CPAMD8: variants seen among roughly 807,000 people sequenced by gnomAD.
The protein encoded by CPAMD8 is C3 and PZP-like alpha-2-macroglobulin domain-containing protein 8.
CPAMD8 carries 146 observed loss-of-function variants against 224.7 expected under a neutral mutation model. The ratio of observed to expected loss-of-function variants is 0.65; its 90% CI spans 0.57 to 0.75. The LOEUF (loss-of-function observed/expected upper bound fraction) is 0.75. CPAMD8 is among the 30% of genes least tolerant of loss of function. CPAMD8 has a pLI of 0.00. For synonymous variants in CPAMD8, 966 were observed against 1,044.6 expected (o/e 0.92, Z 1.45); for missense variants, 2,301 against 2,537.5 (o/e 0.91, Z 2.00).
rs2052092839 is a variant in CPAMD8, at chr19:16,897,931, T to C, written c.4912A>G (p.Thr1638Ala). 2 of 1,610,784 alleles carry C rather than the reference T, an allele frequency of 1.2e-6. No homozygotes were observed. Among genetic ancestry groups the C allele is most frequent in the African/African-American group, 1.3e-5 (1 of 74,838 alleles). Reference protein sequence around the residue: ...RALRECVVGRTSALPVSVYDY... With the variant: ...RALRECVVGRASALPVSVYDY... ...TACACGGAGACTGGCAGCGCCGACG[T>C]CCTGCCCACCACGCACTCCCGGAGA... Residue 1638 changes from threonine to alanine, a missense_variant, in exon 38 of 42, where the codon ACG (threonine) becomes GCG (alanine). Physicochemically the swap from Thr to Ala is moderately conservative, Grantham distance 58. This residue lies in a region of CPAMD8 where 1,709 missense variants were observed against 1,753.2 expected (regional missense o/e 0.97). Transcript: ENST00000443236.
At position 16,904,454 on chromosome 19, in the gene CPAMD8, G is replaced by A. The variant is rs2052390338; in HGVS notation, c.4114+12C>T. 6.2e-7 allele frequency: 1 copy of A among 1,613,822 alleles called. No individual in the cohort carries two copies. Among genetic ancestry groups the A allele is most frequent in the Non-Finnish European group, 8.5e-7 (1 of 1,179,698 alleles). ...GCCAAGGCAGGCACCCGGGAGCTGG[G>A]GTGGCCAGTACCTGACTGAGAGACC... is the stretch of plus-strand genomic sequence containing the variant. On this transcript the variant is annotated intron_variant, in intron 31 of 41. Coordinates refer to ENST00000443236, the MANE Select transcript of CPAMD8 (RefSeq NM_015692.5).
At chr19:16,979,528 ATCTC>A (rs2122751613) in intron 14 of CPAMD8, among the ~76,000 whole-genome samples, 2 of 147,092 alleles carry the variant, frequency 1.4e-5, no homozygotes, top group East Asian at 4.2e-4. Context: ...CCATCCATCC[ATCTC>A]TCTGTCCATT....
At chr19:16,945,481 T>C in intron 22 of CPAMD8, 68 bp downstream of exon 22, 2 of 1,575,022 alleles carry the variant, frequency 1.3e-6, no homozygotes, top group Middle Eastern at 1.7e-4. Flanking sequence ...ACACTCCAGC[T>C]GGGCCCAGCT....
intron 9 of CPAMD8, among the ~76,000 whole-genome samples, 186 bp downstream of exon 9, chr19:17,002,080 T>G (rs2056343284): frequency 2.9e-5 from 4 of 139,552 alleles, no homozygotes; most frequent in African/African-American, 5.5e-5. Flanking sequence ...CTGGAGAGAG[T>G]CACAGGAAGG....
chr19:16,991,755 T>A (rs1275313091), intron 12 of CPAMD8, among the ~76,000 whole-genome samples: 4 of 151,652 alleles, frequency 2.6e-5, no homozygotes, highest in Admixed American at 2.6e-4. Flanking sequence ...CTCGGGAGGC[T>A]GAGGCAGGAT....
At chr19:16,951,185 T>C (rs993341175) in intron 20 of CPAMD8, among the ~76,000 whole-genome samples, 7 of 152,094 alleles carry the variant, frequency 4.6e-5, no homozygotes, top group Non-Finnish European at 1.0e-4. Context: ...GTGCCCAAGA[T>C]CAGCAGCTCT....
At chr19:16,977,942 T>A (rs2055341406) in intron 14 of CPAMD8, among the ~76,000 whole-genome samples, 1 of 152,144 alleles carries the variant, frequency 6.6e-6, no homozygotes, top group South Asian at 2.1e-4. Context: ...TCTGTCTTGC[T>A]GGGGCCTGGG....
Position 16,907,104 on chromosome 19 carries a change from G to C in CPAMD8, c.3875C>G (p.Ser1292Cys). The change falls in exon 30 of 42, where the codon TCC becomes TGC. Residue 1292 changes from serine to cysteine, a missense_variant. Ser to Cys is a moderately radical substitution (Grantham distance 112). Around this residue, in one of 4 missense-constraint regions of CPAMD8, gnomAD observed 1,709 missense variants for 1,753.2 expected, o/e 0.97. Coordinates refer to ENST00000443236, the MANE Select transcript of CPAMD8 (RefSeq NM_015692.5). ...TGTASEEERG[S>C]TDKARHFLES... ...CAGGAAGTGCCTCGCTTTGTCAGTG[G>C]AGCCTCTCTCCTCCTGCAGGGTGGG... 1 of 1,567,356 alleles carries C rather than the reference G, an allele frequency of 6.4e-7. No homozygotes were observed. The highest frequency in any genetic ancestry group is 1.4e-5 in the African/African-American group (1 of 74,014).
At chr19:16,984,157 G>C (rs1216291443) in intron 13 of CPAMD8, among the ~76,000 whole-genome samples, 2 of 151,928 alleles carry the variant, frequency 1.3e-5, no homozygotes, top group Non-Finnish European at 2.9e-5. Flanking sequence ...ACATGCAAAA[G>C]AGTGAAGTTG....
intron 25 of CPAMD8, among the ~76,000 whole-genome samples, chr19:16,925,672 G>T (rs2053333962): frequency 6.6e-6 from 1 of 152,048 alleles, no homozygotes; most frequent in Non-Finnish European, 1.5e-5. Flanking sequence ...GCTATACATT[G>T]GCCTCTAAGT....
At chr19:17,008,042 A>G (rs2056541444) in intron 7 of CPAMD8, among the ~76,000 whole-genome samples, 1 of 152,152 alleles carries the variant, frequency 6.6e-6, no homozygotes, top group African/African-American at 2.4e-5. Context: ...GGTGCCATGC[A>G]CCTGTAATCC....
chr19:16,938,122 T>G (rs910800649), intron 23 of CPAMD8, among the ~76,000 whole-genome samples: 1 of 152,184 alleles, frequency 6.6e-6, no homozygotes, highest in African/African-American at 2.4e-5. Context: ...GCAGTGCACA[T>G]TCCTGTGTAT....
At position 16,898,042 on chromosome 19, in the gene CPAMD8, G is replaced by C. The variant is rs2052100657; in HGVS notation, c.4849-48C>G. 6.9e-7 allele frequency: 1 copy of C among 1,441,232 alleles called. No homozygotes were observed. The highest frequency in any genetic ancestry group is 1.4e-5 in the African/African-American group (1 of 70,234). The allele number at this position is 1,441,232 out of a possible 1,614,324, so 89.3% of individuals were successfully genotyped here. A position where few individuals can be genotyped will look rare whatever the true frequency, so the allele number is the denominator to read the frequency against. On this transcript the variant is annotated intron_variant, in intron 37 of 41. Coordinates refer to ENST00000443236, the MANE Select transcript of CPAMD8 (RefSeq NM_015692.5). This position sits in a 1 kb window ranked among gnomAD's most constrained non-coding sequence, Gnocchi z 4.2. ...GGCTCGACCCGGGCCAGGAGGCCCGGGGCGCTGAGCTCAGGCCCAGAACTG... is the reference window on the plus strand; with the variant it reads ...GGCTCGACCCGGGCCAGGAGGCCCGCGGCGCTGAGCTCAGGCCCAGAACTG...
chr19:16,942,128 T>G (rs1250722553), intron 22 of CPAMD8, among the ~76,000 whole-genome samples: 2 of 152,106 alleles, frequency 1.3e-5, no homozygotes, highest in African/African-American at 2.4e-5. Flanking sequence ...CTGTACAGCC[T>G]ACAGAGCTGT....
At chr19:16,951,256 T>C (rs534535202) in intron 20 of CPAMD8, among the ~76,000 whole-genome samples, 3 of 152,268 alleles carry the variant, frequency 2.0e-5, no homozygotes, top group Non-Finnish European at 4.4e-5. Context: ...TCCTGGTACT[T>C]TGTGGGGAGC....
chr19:16,922,928 G>A (rs1369421876), intron 26 of CPAMD8, among the ~76,000 whole-genome samples: 1 of 152,228 alleles, frequency 6.6e-6, no homozygotes, highest in Non-Finnish European at 1.5e-5. Context: ...TACTGACATT[G>A]CCCCTTCGTG....
intron 41 of CPAMD8, chr19:16,895,169 G>C (rs1377051135): frequency 6.6e-6 from 1 of 152,572 alleles, no homozygotes; most frequent in Non-Finnish European, 1.5e-5. Context: ...CAGCGCTTTG[G>C]GAGGCCAACG....
rs768363463 is a variant in CPAMD8 at position 16,947,099 on chromosome 19, G to A, written c.2637C>T (p.Ser879=). The change falls in exon 21 of 42, where the codon AGC becomes AGT. Residue 879 remains serine, a synonymous_variant. Transcript: ENST00000443236. ...CCGTGATGTTGTTGAGTCCCAGGTC[G>A]CTGAAGGACAGAACGACCCAGATGG... ...AEPIWVVLSF[S]DLGLNNITAK... The A allele has an allele frequency of 5.9e-5, 95 of 1,611,932 alleles. No individual in the cohort carries two copies. The highest frequency in any genetic ancestry group is 1.5e-4 in the South Asian group (14 of 90,788).
intron 13 of CPAMD8, among the ~76,000 whole-genome samples, chr19:16,982,816 G>A (rs554891886): frequency 2.0e-5 from 3 of 152,226 alleles, no homozygotes; most frequent in South Asian, 4.1e-4. Flanking sequence ...TCCAGCCTCG[G>A]GTGCTATGGT....
Sources: allele counts gnomAD v4.1 joint callset (sites outside exome capture counted in the v4.1 genomes callset), GRCh38; gene constraint gnomAD v4.1.1; regional missense constraint gnomAD v4.1.1; non-coding constraint Gnocchi (gnomAD v3.1); transcripts MANE v1.5; gene names NCBI Gene and HGNC (gene_info 2026-07-23, HGNC 2026-07-21).